The following CDH3 variants were observed in gnomAD, a reference collection of about 807,000 sequenced individuals.
CDH3 encodes the protein cadherin 3.
Under a neutral mutation model 82.0 loss-of-function variants are expected in CDH3, and 54 were observed. The observed-to-expected ratio is 0.66, with a 90% confidence interval of 0.53 to 0.83. The LOEUF is 0.83. CDH3 is among the 40% of genes least tolerant of loss of function. The pLI is 0.00. For missense variants in CDH3, 1,054 were observed against 1,084.6 expected (o/e 0.97, Z 0.40); for synonymous variants, 446 against 437.9 (o/e 1.02, Z -0.23).
intron 12 of CDH3, among the ~76,000 whole-genome samples, chr16:68,687,988 C>T (rs1456384691): frequency 6.7e-6 from 1 of 148,880 alleles, no homozygotes; most frequent in Non-Finnish European, 1.5e-5. Flanking sequence ...CTCGAGGAAT[C>T]GAACCTATGT....
intron 2 of CDH3, among the ~76,000 whole-genome samples, chr16:68,673,093 T>C (rs1369670226): frequency 6.6e-6 from 1 of 152,228 alleles, no homozygotes; most frequent in Non-Finnish European, 1.5e-5. Flanking sequence ...TTAGCTATTA[T>C]GAATAGTGCT....
At chr16:68,659,804 C>CTT (rs71148930) in intron 2 of CDH3, among the ~76,000 whole-genome samples, 9 of 132,050 alleles carry the variant, frequency 6.8e-5, no homozygotes, top group African/African-American at 2.2e-4. Flanking sequence ...CTTGTAGACC[C>CTT]TTTTTTTTTT....
At chr16:68,730,493 C>T (rs1333276581), downstream of CDH3, among the ~76,000 whole-genome samples, 2 of 151,946 alleles carry the variant, frequency 1.3e-5, no homozygotes, top group Non-Finnish European at 2.9e-5. Flanking sequence ...GTCATTGCAC[C>T]CAGCCTGGGC....
At chr16:68,690,621 A>T (rs1961536755) in intron 12 of CDH3, among the ~76,000 whole-genome samples, 1 of 139,882 alleles carries the variant, frequency 7.1e-6, no homozygotes, top group South Asian at 2.3e-4. Context: ...TAAAAAAAAA[A>T]TTGAAGGCCG....
intron 1 of CDH3, among the ~76,000 whole-genome samples, chr16:68,717,078 A>G (rs1962103937): frequency 6.6e-6 from 1 of 152,086 alleles, no homozygotes; most frequent in Non-Finnish European, 1.5e-5. Flanking sequence ...CAAAGGTTGG[A>G]TATAGCTCAA....
At chr16:68,653,164 G>A (rs982461405) in intron 2 of CDH3, among the ~76,000 whole-genome samples, 2 of 151,944 alleles carry the variant, frequency 1.3e-5, no homozygotes, top group Non-Finnish European at 2.9e-5. Context: ...CCCCCTTTCC[G>A]GAGTCTTGAT....
intron 2 of CDH3, chr16:68,651,019 T>C: frequency 2.6e-6 from 1 of 379,086 alleles, no homozygotes; most frequent in East Asian, 7.4e-5. Flanking sequence ...GAGAGCGTGC[T>C]GGGAGCCTTA....
intron 1 of CDH3, among the ~76,000 whole-genome samples, chr16:68,710,849 G>GA (rs1306231969): frequency 2.1e-5 from 3 of 144,654 alleles, no homozygotes; most frequent in Non-Finnish European, 4.6e-5. Flanking sequence ...TGTCTCAGAA[G>GA]AAAAAAGGAG....
At chr16:68,692,531 A>G (rs910142060) in intron 13 of CDH3, among the ~76,000 whole-genome samples, 5 of 152,210 alleles carry the variant, frequency 3.3e-5, no homozygotes, top group African/African-American at 4.8e-5. Context: ...GGAATTTGCT[A>G]TTATTAGAAA....
rs766783746 is a variant in CDH3 at position 68,684,772 on chromosome 16, C to A, written c.1372C>A (p.Pro458Thr). 2 of 1,614,140 alleles carry A rather than the reference C, an allele frequency of 1.2e-6. No individual in the cohort carries two copies. Among genetic ancestry groups the A allele is most frequent in the Middle Eastern group, 1.6e-4 (1 of 6,062 alleles). ...EVQEGIPTGE[P>T]VCVYTAEDPD... ...CCAGGAGGGCATCCCCACTGGGGAG[C>A]CTGTGTGTGTCTACACTGCAGAAGA... The change falls in exon 10 of 16, where the codon CCT becomes ACT. Residue 458 changes from proline to threonine, a missense_variant. Coordinates refer to ENST00000264012, the MANE Select transcript of CDH3 (RefSeq NM_001793.6).
chr16:68,695,328 T>G lies in CDH3; in HGVS notation c.2076T>G (p.Asp692Glu), dbSNP rs370793157. 1.1e-5 allele frequency: 17 copies of G among 1,613,942 alleles called. No individual in the cohort carries two copies. The highest frequency in any genetic ancestry group is 1.4e-5 in the Non-Finnish European group (17 of 1,180,010). ...KIKEPLLLPE[D>E]DTRDNVFYYG... ...AGGAGCCCCTCCTACTCCCAGAAGA[T>G]GACACCCGTGACAACGTCTTCTACT... The change falls in exon 14 of 16, where the codon GAT becomes GAG. Residue 692 changes from aspartate to glutamate, a missense_variant. Physicochemically the swap from Asp to Glu is conservative, Grantham distance 45 (BLOSUM62 2). Coordinates refer to ENST00000264012, the MANE Select transcript of CDH3 (RefSeq NM_001793.6).
intron 2 of CDH3, chr16:68,651,265 T>C: frequency 1.8e-6 from 1 of 542,070 alleles, no homozygotes; most frequent in Non-Finnish European, 3.8e-6. Flanking sequence ...CTTGGTGTCA[T>C]AGATGTGCAG....
At chr16:68,660,730 C>T (rs1458315693) in intron 2 of CDH3, among the ~76,000 whole-genome samples, 2 of 152,060 alleles carry the variant, frequency 1.3e-5, no homozygotes, top group Middle Eastern at 3.4e-3. Context: ...AGGCCGAGGC[C>T]GGCAGATCAC....
downstream of CDH3, among the ~76,000 whole-genome samples, chr16:68,731,130 T>TTA (rs542370344): frequency 0.044 from 5,020 of 114,118 alleles, 362 homozygotes; most frequent in African/African-American, 0.14. Context: ...TAAAAAATAA[T>TTA]TATATATATA....
At chr16:68,692,798 A>G (rs142272331) in intron 13 of CDH3, among the ~76,000 whole-genome samples, 1 of 152,228 alleles carries the variant, frequency 6.6e-6, no homozygotes, top group Non-Finnish European at 1.5e-5. Context: ...GATCAATCAT[A>G]TGAATACAAC....
intron 1 of CDH3, among the ~76,000 whole-genome samples, chr16:68,720,552 ACAT>A (rs1962149416): frequency 6.6e-6 from 1 of 151,980 alleles, no homozygotes; most frequent in African/African-American, 2.4e-5. Flanking sequence ...GGCTACCCAT[ACAT>A]GTGTTTTTTC....
In CDH3 at chr16:68,712,758, T is replaced by C. The variant is rs1312215619; in HGVS notation, c.100-9667T>C. 2.6e-5 allele frequency among the ~76,000 whole-genome samples: 4 copies of C among 152,038 alleles called. No homozygotes were observed. The East Asian group carries it at 7.7e-4, about 29-fold the overall frequency. Reference sequence around the variant, plus strand: ...GTGCAGTGGCTCGATCTTGGCTCACTGCAACCTCCGCCTCCCGGGTTCAAG... The same window carrying C: ...GTGCAGTGGCTCGATCTTGGCTCACCGCAACCTCCGCCTCCCGGGTTCAAG... On this transcript the variant is annotated intron_variant, in intron 1 of 2. Coordinates refer to the CDH3 transcript ENST00000569080.
At chr16:68,695,231 A>C in intron 13 of CDH3, 24 bp from the exon 14 acceptor site, 2 of 1,613,928 alleles carry the variant, frequency 1.2e-6, no homozygotes, top group Non-Finnish European at 1.7e-6. Flanking sequence ...CAGAGGGAGC[A>C]CTCACACTCC....
Position 68,699,559 on chromosome 16 carries a change from C to A in CDH3, c.*1159C>A, listed in dbSNP as rs1192015724. On this transcript the variant is annotated 3_prime_UTR_variant, in exon 16 of 16. Transcript: ENST00000264012. Reference sequence around the variant, plus strand: ...AGTGCAGTGGTGTGATCTTGGCTCACTGCAAGCTCTGCCTCCTGGGTTCAC... The same window carrying A: ...AGTGCAGTGGTGTGATCTTGGCTCAATGCAAGCTCTGCCTCCTGGGTTCAC... The A allele has an allele frequency of 6.6e-6, 1 of 151,396 alleles. No individual in the cohort carries two copies. The highest frequency in any genetic ancestry group is 1.5e-5 in the Non-Finnish European group (1 of 67,998). The allele number at this position is 151,396 out of a possible 1,614,324, so 9.4% of individuals were successfully genotyped here.
Sources: allele counts gnomAD v4.1 joint callset (sites outside exome capture counted in the v4.1 genomes callset), GRCh38; gene constraint gnomAD v4.1.1; transcripts MANE v1.5; gene names NCBI Gene and HGNC (gene_info 2026-07-23, HGNC 2026-07-21).